HMCN1: variants seen among roughly 807,000 people sequenced by gnomAD.
The protein encoded by HMCN1 is hemicentin 1.
Under a neutral mutation model 625.9 loss-of-function variants are expected in HMCN1, and 321 were observed. That is an observed-to-expected ratio of 0.51 (90% CI 0.47 to 0.56). The LOEUF is 0.56. Among genes scored for constraint, HMCN1 ranks in the 20% least tolerant of loss-of-function variants. The pLI, the probability that HMCN1 is intolerant of heterozygous loss-of-function variation, is 0.00. For missense variants in HMCN1, 6,588 were observed against 6,887.3 expected (o/e 0.96, Z 1.54); for synonymous variants, 2,425 against 2,417.6 (o/e 1.00, Z -0.09).
At chr1:185,958,884 C>A (rs1649816918) in intron 11 of HMCN1, among the ~76,000 whole-genome samples, 1 of 152,142 alleles carries the variant, frequency 6.6e-6, no homozygotes, top group African/African-American at 2.4e-5. Flanking sequence ...AGATACCCGG[C>A]ATGTAATAGG....
intron 11 of HMCN1, among the ~76,000 whole-genome samples, chr1:185,937,595 G>A (rs564702694): frequency 2.4e-4 from 36 of 152,138 alleles, no homozygotes; most frequent in Admixed American, 1.1e-3. Flanking sequence ...ATAATAAGTG[G>A]AATGGGCTGG....
chr1:185,941,000 G>A (rs1668051935), intron 11 of HMCN1, among the ~76,000 whole-genome samples: 1 of 152,044 alleles, frequency 6.6e-6, no homozygotes, highest in South Asian at 2.1e-4. Context: ...GACCTCAGGG[G>A]ATCTGCCTGC....
At chr1:186,074,637 T>A in intron 52 of HMCN1, 104 bp from the exon 53 acceptor site, 1 of 975,000 alleles carries the variant, frequency 1.0e-6, no homozygotes, top group African/African-American at 1.6e-5. Context: ...TGCATACAAT[T>A]TTATTTTCAT....
chr1:186,066,905 T>C (rs916354481), intron 49 of HMCN1, among the ~76,000 whole-genome samples: 4 of 152,124 alleles, frequency 2.6e-5, no homozygotes, highest in Non-Finnish European at 5.9e-5. Context: ...TTATCTTCTA[T>C]ACACAAGAAA....
At chr1:185,792,028 A>T in intron 1 of HMCN1, among the ~76,000 whole-genome samples, 1 of 152,324 alleles carries the variant, frequency 6.6e-6, no homozygotes, top group Non-Finnish European at 1.5e-5. Flanking sequence ...AATTATAGAG[A>T]TAAATGAGAC....
intron 37 of HMCN1, among the ~76,000 whole-genome samples, chr1:186,038,333 C>CT (rs1032015075): frequency 6.6e-5 from 10 of 151,912 alleles, no homozygotes; most frequent in African/African-American, 2.4e-4. Context: ...TATGCTGAAA[C>CT]TTTTTTTTAA....
At chr1:185,890,835 T>G (rs1665023284) in intron 4 of HMCN1, among the ~76,000 whole-genome samples, 2 of 89,902 alleles carry the variant, frequency 2.2e-5, no homozygotes, top group South Asian at 9.0e-4. Flanking sequence ...GTCTGCTTGG[T>G]GCTGAGCTGA....
intron 4 of HMCN1, among the ~76,000 whole-genome samples, chr1:185,887,740 C>T (rs1298450395): frequency 7.1e-6 from 1 of 141,258 alleles, no homozygotes; most frequent in East Asian, 2.0e-4. Flanking sequence ...CAAGTCTTTG[C>T]TATTGTGAAT....
intron 1 of HMCN1, among the ~76,000 whole-genome samples, chr1:185,795,606 A>G (rs938628194): frequency 6.6e-6 from 1 of 152,208 alleles, no homozygotes; most frequent in African/African-American, 2.4e-5. Flanking sequence ...AAGTTCTCAG[A>G]AAAAGACATG....
intron 24 of HMCN1, among the ~76,000 whole-genome samples, chr1:185,995,938 TATTA>T (rs1028016635): frequency 6.6e-6 from 1 of 152,160 alleles, no homozygotes; most frequent in Non-Finnish European, 1.5e-5. Context: ...TGAGTATTAG[TATTA>T]ATTAGTACTA....
At chr1:185,761,947 C>A (rs942810737) in intron 1 of HMCN1, among the ~76,000 whole-genome samples, 1 of 152,020 alleles carries the variant, frequency 6.6e-6, no homozygotes, top group African/African-American at 2.4e-5. Flanking sequence ...AAACTGGTAT[C>A]CATCTTTAAA....
chr1:186,091,113 G>A (rs1571339439), intron 64 of HMCN1, among the ~76,000 whole-genome samples, 196 bp downstream of exon 64: 1 of 151,890 alleles, frequency 6.6e-6, no homozygotes, highest in Admixed American at 6.6e-5. Context: ...TCAGAATTGT[G>A]TATGTTTCTC....
At chr1:185,960,787 A>G (rs187158056) in intron 11 of HMCN1, among the ~76,000 whole-genome samples, 2 of 152,310 alleles carry the variant, frequency 1.3e-5, no homozygotes, top group East Asian at 3.9e-4. Flanking sequence ...TTATTTTAGG[A>G]AGATGGGACT....
At chr1:186,129,853 T>G in intron 83 of HMCN1, 113 bp from the exon 84 acceptor site, 3 of 1,250,802 alleles carry the variant, frequency 2.4e-6, no homozygotes, top group Non-Finnish European at 3.5e-6. Flanking sequence ...CAATGTCATC[T>G]CTTTGGTTCA....
At chr1:186,139,791 G>A (rs1649839031) in intron 89 of HMCN1, among the ~76,000 whole-genome samples, 1 of 152,146 alleles carries the variant, frequency 6.6e-6, no homozygotes, top group South Asian at 2.1e-4. Context: ...TGTAGTAGGA[G>A]TATCTATACC....
At position 186,159,589 on chromosome 1, in the gene HMCN1, G is replaced by A. The variant is rs146816410; in HGVS notation, c.15257-5522G>A. 2.8e-3 allele frequency among the ~76,000 whole-genome samples: 424 copies of A among 152,284 alleles called. 2 individuals carry two copies. Among genetic ancestry groups the A allele is most frequent in the African/African-American group, 9.5e-3 (396 of 41,552 alleles). On this transcript the variant is annotated intron_variant, in intron 97 of 106. Transcript: ENST00000271588. ...GATAGCTCTTATTATTTTGAGATACGTCCCATTAATACCTAACATATTGAG... is the reference window on the plus strand; with the variant it reads ...GATAGCTCTTATTATTTTGAGATACATCCCATTAATACCTAACATATTGAG...
intron 11 of HMCN1, among the ~76,000 whole-genome samples, chr1:185,959,233 C>T (rs1649839667): frequency 6.6e-6 from 1 of 152,068 alleles, no homozygotes. Context: ...AAATTTCTTA[C>T]CAGAAGCTTA....
intron 36 of HMCN1, among the ~76,000 whole-genome samples, chr1:186,030,967 C>T (rs1189062445): frequency 4.6e-5 from 7 of 151,754 alleles, no homozygotes; most frequent in East Asian, 3.9e-4. Context: ...TATTGTTAAA[C>T]GAATTACATT....
In HMCN1 at chr1:186,053,947, G is replaced by C. The variant is rs765638746; in HGVS notation, c.6823G>C (p.Ala2275Pro). 6 of 1,612,662 alleles carry C rather than the reference G, an allele frequency of 3.7e-6. No homozygotes were observed. The highest frequency in any genetic ancestry group is 4.2e-6 in the Non-Finnish European group (5 of 1,179,172). ...ALYSCVASNVAGTAKKEYNLQ... is the reference protein window; with the variant it reads ...ALYSCVASNVPGTAKKEYNLQ... ...CTATTCATGTGTGGCGTCGAATGTT[G>C]CTGGGACTGCAAAGAAAGAATACAA... is the stretch of plus-strand genomic sequence containing the variant. Residue 2275 changes from alanine (A) to proline (P), a missense_variant, in exon 44 of 107, where the codon GCT becomes CCT. Coordinates refer to ENST00000271588, the MANE Select transcript of HMCN1 (RefSeq NM_031935.3).
Sources: allele counts gnomAD v4.1 joint callset (sites outside exome capture counted in the v4.1 genomes callset), GRCh38; gene constraint gnomAD v4.1.1; transcripts MANE v1.5; gene names NCBI Gene and HGNC (gene_info 2026-07-23, HGNC 2026-07-21).